The following DYTN variants were observed in gnomAD, a reference collection of about 807,000 sequenced individuals.
DYTN encodes the protein dystrotelin.
A neutral mutation model predicts 69.6 loss-of-function variants in DYTN; 75 were observed. That is an observed-to-expected ratio of 1.08 (90% CI 0.89 to 1.31). The LOEUF is 1.31. Ranked by LOEUF, DYTN falls within the 50% of genes most tolerant of loss-of-function variation. The probability of loss-of-function intolerance (pLI) is 0.00; values close to 1 mark genes in which losing one functional copy is unlikely to be tolerated. For missense variants in DYTN, 726 were observed against 688.4 expected, an observed-to-expected ratio of 1.05 and a Z score of -0.61; for synonymous variants, 252 against 249.1, an observed-to-expected ratio of 1.01 and a Z score of -0.11.
chr2:206,714,312 C>G (rs1700107365), intron 1 of DYTN, among the ~76,000 whole-genome samples: 1 of 152,204 alleles, frequency 6.6e-6, no homozygotes, highest in Admixed American at 6.5e-5. Flanking sequence ...ATGCCAATCT[C>G]CTGCCTCAGC....
intron 11 of DYTN, among the ~76,000 whole-genome samples, chr2:206,660,552 G>A (rs1699500900): frequency 6.6e-6 from 1 of 152,154 alleles, no homozygotes; most frequent in Admixed American, 6.5e-5. Context: ...TTTCTATAAA[G>A]TCCAAACTTT....
Position 206,699,301 on chromosome 2 carries a change from C to T in DYTN, c.719+426G>A, listed in dbSNP as rs756638570. On this transcript the variant is annotated intron_variant, in intron 7 of 11. Transcript: ENST00000452335. ...ATAGAAAATTAGCTGGGCATGGTGG[C>T]ATGTGCCTGTACCCCCAGCTACCCA... 3.0e-4 allele frequency among the ~76,000 whole-genome samples: 46 copies of T among 152,116 alleles called. 1 individual carries two copies. The highest frequency in any genetic ancestry group is 5.9e-5 in the Non-Finnish European group (4 of 68,018).
intron 5 of DYTN, among the ~76,000 whole-genome samples, chr2:206,701,613 T>A (rs1699978074): frequency 6.6e-6 from 1 of 152,008 alleles, no homozygotes; most frequent in South Asian, 2.1e-4. Flanking sequence ...AGAAGAATAG[T>A]GGATGCCAGG....
At chr2:206,658,922 A>G (rs966652199) in intron 11 of DYTN, among the ~76,000 whole-genome samples, 5 of 151,978 alleles carry the variant, frequency 3.3e-5, no homozygotes, top group Admixed American at 2.6e-4. Flanking sequence ...TAGTAGACAT[A>G]TGCAAGAAAT....
At chr2:206,685,189 A>G (rs1258850027) in intron 9 of DYTN, among the ~76,000 whole-genome samples, 2 of 147,766 alleles carry the variant, frequency 1.4e-5, no homozygotes, top group African/African-American at 2.5e-5. Flanking sequence ...TTATTTTGAA[A>G]CATTTTCACC....
chr2:206,662,888 T>C lies in DYTN; in HGVS notation c.1633+15A>G, dbSNP rs1339122420. 3 of 1,603,226 alleles carry C rather than the reference T, an allele frequency of 1.9e-6. No homozygotes were observed. Among genetic ancestry groups the C allele is most frequent in the Middle Eastern group, 1.7e-4 (1 of 5,986 alleles). On this transcript the variant is annotated intron_variant, in intron 11 of 11. Coordinates refer to ENST00000452335, the MANE Select transcript of DYTN (RefSeq NM_001093730.1). ...CCTTGGCCATCACGATGTCTATGGA[T>C]TGTGAAAACCTTACCTGATGGCGTT... is the stretch of plus-strand genomic sequence containing the variant.
intron 9 of DYTN, among the ~76,000 whole-genome samples, chr2:206,680,848 A>C (rs1699743490): frequency 6.6e-6 from 1 of 152,336 alleles, no homozygotes; most frequent in South Asian, 2.1e-4. Flanking sequence ...TCATTCCCTC[A>C]AACAAATGGG....
At chr2:206,712,969 T>C (rs1342174226) in intron 1 of DYTN, among the ~76,000 whole-genome samples, 2 of 152,218 alleles carry the variant, frequency 1.3e-5, no homozygotes, top group Non-Finnish European at 2.9e-5. Context: ...ATCACCCTCT[T>C]GTCAGGCTGT....
intron 9 of DYTN, 99 bp from the exon 10 acceptor site, chr2:206,666,128 G>T (rs1395154316): frequency 1.2e-5 from 18 of 1,450,648 alleles, no homozygotes; most frequent in Admixed American, 4.5e-5. Context: ...TGTGGGAAAA[G>T]ATGCTGGAAA....
chr2:206,687,410 GT>G (rs896832033), intron 9 of DYTN: 6 of 152,136 alleles, frequency 3.9e-5, no homozygotes, highest in Admixed American at 1.3e-4. Context: ...CTCACATCAA[GT>G]TTTTCTTATC....
At chr2:206,683,266 C>A (rs959978908) in intron 9 of DYTN, among the ~76,000 whole-genome samples, 45 of 151,958 alleles carry the variant, frequency 3.0e-4, no homozygotes, top group African/African-American at 1.0e-3. Flanking sequence ...AATGTTTCCC[C>A]AGAGTAAAAG....
chr2:206,695,237 C>T (rs1559314371), intron 7 of DYTN, among the ~76,000 whole-genome samples: 1 of 152,190 alleles, frequency 6.6e-6, no homozygotes, highest in Non-Finnish European at 1.5e-5. Flanking sequence ...TGCAGCTGCA[C>T]AATGCACTCA....
rs1393982576 is a variant in DYTN at position 206,700,337 on chromosome 2, G to A, written c.484-121C>T. On this transcript the variant is annotated intron_variant, in intron 5 of 11. Coordinates refer to ENST00000452335, the MANE Select transcript of DYTN (RefSeq NM_001093730.1). ...GTCACAAGTATTTGGTATCTGAGAC[G>A]AGGTGAACTGTCTCAATCCAAGAGA... is the stretch of plus-strand genomic sequence containing the variant. 5.4e-5 allele frequency: 55 copies of A among 1,019,600 alleles called. No individual in the cohort carries two copies. The Middle Eastern group carries it at 7.2e-4, about 13-fold the overall frequency. 63.2% of individuals were successfully genotyped at this position (1,019,600 alleles called of 1,614,324 possible).
rs371386756 is a variant in DYTN at position 206,699,717 on chromosome 2, A to C, written c.719+10T>G. 3.8e-5 allele frequency: 61 copies of C among 1,608,668 alleles called. No homozygotes were observed. Among genetic ancestry groups the C allele is most frequent in the African/African-American group, 5.4e-5 (4 of 74,680 alleles). ...AATGATAATCCAAGAAATGCTGCTG[A>C]TGACTGTACCTGAGTCCCGTGATTG... On this transcript the variant is annotated intron_variant, in intron 7 of 11. Transcript: ENST00000452335.
chr2:206,675,113 ATATG>A (rs1281655539), intron 9 of DYTN, among the ~76,000 whole-genome samples: 8 of 122,674 alleles, frequency 6.5e-5, no homozygotes, highest in African/African-American at 2.5e-4. Context: ...ACATATATAT[ATATG>A]TGTGTGTGTG....
chr2:206,677,267 C>A (rs1244788896), intron 9 of DYTN, among the ~76,000 whole-genome samples: 1 of 151,952 alleles, frequency 6.6e-6, no homozygotes, highest in Non-Finnish European at 1.5e-5. Context: ...TTTTGCATGT[C>A]AATTGTATCT....
At chr2:206,705,132 TG>T in intron 4 of DYTN, 189 bp from the exon 5 acceptor site, 2 of 585,368 alleles carry the variant, frequency 3.4e-6, no homozygotes, top group Non-Finnish European at 6.0e-6. Context: ...GTTTTGTTCC[TG>T]TTCCCCAGGT....
Position 206,700,214 on chromosome 2 carries a change from G to C in DYTN, c.486C>G (p.Ile162Met). 2 of 1,613,844 alleles carry C rather than the reference G, an allele frequency of 1.2e-6. No individual in the cohort carries two copies. The highest frequency in any genetic ancestry group is 8.5e-7 in the Non-Finnish European group (1 of 1,179,760). ...LRKLLTDLQQ[I>M]PTFVGESRAL... ...CACGACTCTCTCCCACGAAAGTTGG[G>C]ATCTGCAAGAGACAACCTCATCTTA... The change falls in exon 6 of 12, where the codon ATC (isoleucine) becomes ATG (methionine). Residue 162 changes from isoleucine (I) to methionine (M), a missense_variant and splice_region_variant. By Grantham distance (10) the Ile-to-Met change is conservative. Transcript: ENST00000452335.
At chr2:206,683,339 C>CTTTTTT (rs10531348) in intron 9 of DYTN, among the ~76,000 whole-genome samples, 1,249 of 111,704 alleles carry the variant, frequency 0.011, 2 homozygotes, top group Non-Finnish European at 0.017. Flanking sequence ...TTTACTTTTT[C>CTTTTTT]TTTTTTTTTT....
Sources: gnomAD v4.1 joint callset for allele counts (sites outside exome capture counted in the v4.1 genomes callset) on GRCh38, gnomAD v4.1.1 for gene constraint, MANE v1.5 for transcripts, NCBI Gene and HGNC (gene_info 2026-07-23, HGNC 2026-07-21) for gene names.